NECTIN2: variants seen among roughly 807,000 people sequenced by gnomAD.
NECTIN2 encodes the protein nectin cell adhesion molecule 2, also known as nectin-2.
NECTIN2 carries 23 observed loss-of-function variants against 56.9 expected under a neutral mutation model. That is an observed-to-expected ratio of 0.40 (90% CI 0.29 to 0.57). The LOEUF (loss-of-function observed/expected upper bound fraction) is 0.57, where lower values mean the gene tolerates loss of function less well. NECTIN2 is among the 20% of genes least tolerant of loss of function. The pLI is 0.38. For missense variants in NECTIN2, 587 were observed against 718.3 expected (o/e 0.82, Z 2.09); for synonymous variants, 302 against 313.8 (o/e 0.96, Z 0.40).
At chr19:44,881,589 A>G (rs562594438) in intron 5 of NECTIN2, among the ~76,000 whole-genome samples, 1 of 151,030 alleles carries the variant, frequency 6.6e-6, no homozygotes, top group African/African-American at 2.4e-5. Flanking sequence ...CCGGAGGGTG[A>G]GGTGGGAGGA....
intron 2 of NECTIN2, among the ~76,000 whole-genome samples, chr19:44,868,425 A>G (rs1969128565): frequency 7.1e-6 from 1 of 140,698 alleles, no homozygotes. Context: ...GAAGGCAGGG[A>G]AGATTTTTTT....
At chr19:44,884,982 T>C (rs1345605139) in intron 6 of NECTIN2, among the ~76,000 whole-genome samples, 1 of 151,928 alleles carries the variant, frequency 6.6e-6, no homozygotes, top group Admixed American at 6.6e-5. Flanking sequence ...TTCTTTTTTT[T>C]CTTTTCTTTT....
chr19:44,869,579 C>A (rs868510849), intron 2 of NECTIN2, among the ~76,000 whole-genome samples: 1 of 121,038 alleles, frequency 8.3e-6, no homozygotes, highest in Non-Finnish European at 1.6e-5. Flanking sequence ...GGCGACAGAG[C>A]GAGACTCCAT....
intron 1 of NECTIN2, among the ~76,000 whole-genome samples, chr19:44,859,144 A>G (rs1213529542): frequency 1.3e-5 from 2 of 152,076 alleles, no homozygotes; most frequent in Non-Finnish European, 2.9e-5. Context: ...GCCCATCTCC[A>G]TCAGACAGAG....
At chr19:44,856,883 C>T (rs1968971565) in intron 1 of NECTIN2, among the ~76,000 whole-genome samples, 1 of 152,200 alleles carries the variant, frequency 6.6e-6, no homozygotes, top group Non-Finnish European at 1.5e-5. Context: ...ACTCTGTGGG[C>T]CAAAGCAAAC....
chr19:44,886,615 G>A (rs560039936), intron 8 of NECTIN2, among the ~76,000 whole-genome samples: 14 of 152,154 alleles, frequency 9.2e-5, no homozygotes, highest in East Asian at 5.8e-4. Context: ...TTAGCTACCC[G>A]GGGCGCTGAG....
chr19:44,885,157 C>T (rs899866063), intron 6 of NECTIN2, among the ~76,000 whole-genome samples: 67 of 151,630 alleles, frequency 4.4e-4, no homozygotes, highest in African/African-American at 1.6e-3. Context: ...CCACCACGCC[C>T]GGCTAATTTT....
chr19:44,847,787 TG>T (rs1968853786), intron 1 of NECTIN2, among the ~76,000 whole-genome samples: 1 of 152,136 alleles, frequency 6.6e-6, no homozygotes, highest in South Asian at 2.1e-4. Flanking sequence ...ATCTATCCTC[TG>T]GTAGCGCCTT....
chr19:44,861,533 G>A (rs1218137643), intron 1 of NECTIN2, among the ~76,000 whole-genome samples: 9 of 152,174 alleles, frequency 5.9e-5, no homozygotes, highest in African/African-American at 9.7e-5. Context: ...AAAAGCTTCT[G>A]CACAGCAAAA....
intron 1 of NECTIN2, among the ~76,000 whole-genome samples, chr19:44,858,734 C>T (rs927624278): frequency 6.6e-6 from 1 of 152,084 alleles, no homozygotes; most frequent in Admixed American, 6.6e-5. Context: ...CCTCCACCTC[C>T]CGGGTTCAAG....
chr19:44,859,008 C>A (rs1447484000), intron 1 of NECTIN2, among the ~76,000 whole-genome samples: 1 of 152,190 alleles, frequency 6.6e-6, no homozygotes, highest in African/African-American at 2.4e-5. Flanking sequence ...ACCCAAAGAT[C>A]CTCGGCCTGT....
intron 5 of NECTIN2, among the ~76,000 whole-genome samples, chr19:44,881,222 G>A (rs750142975): frequency 3.9e-5 from 6 of 152,018 alleles, no homozygotes; most frequent in Non-Finnish European, 8.8e-5. Flanking sequence ...CCCCCTTCCT[G>A]ATAAGTGGAA....
intron 2 of NECTIN2, among the ~76,000 whole-genome samples, chr19:44,869,605 AAAAAG>A (rs76923055): frequency 3.5e-5 from 5 of 144,398 alleles, no homozygotes; most frequent in Admixed American, 6.8e-5. Context: ...AAAAAAAAAA[AAAAAG>A]AAAAGAAAAT....
intron 1 of NECTIN2, among the ~76,000 whole-genome samples, chr19:44,863,325 G>A (rs925273699): frequency 2.0e-5 from 3 of 151,756 alleles, no homozygotes; most frequent in Non-Finnish European, 2.9e-5. Flanking sequence ...AAAATTAGCC[G>A]GGCACTGGTG....
chr19:44,880,457 C>G (rs1969295547), intron 5 of NECTIN2, among the ~76,000 whole-genome samples: 1 of 150,016 alleles, frequency 6.7e-6, no homozygotes, highest in Admixed American at 6.7e-5. Flanking sequence ...CGCTTCTCGA[C>G]CCCTTTTCCT....
At position 44,889,132 on chromosome 19, in the gene NECTIN2, C is replaced by G. The variant is rs1262742109; in HGVS notation, c.*753C>G. 6.6e-6 allele frequency: 1 copy of G among 152,330 alleles called. No individual in the cohort carries two copies. Among genetic ancestry groups the G allele is most frequent in the Admixed American group, 6.5e-5 (1 of 15,290 alleles). 9.4% of individuals were successfully genotyped at this position (152,330 alleles called of 1,614,324 possible). The stretch of plus-strand genomic sequence containing the variant: ...AGTGGAATAGGACCTAAACATCCCC[C>G]TTCCGGGGAAAGTGGGTCATCTGAA... On this transcript the variant is annotated 3_prime_UTR_variant, in exon 9 of 9. Transcript: ENST00000252483.
Position 44,865,249 on chromosome 19 carries a change from A to C in NECTIN2, c.89-22A>C. The C allele has an allele frequency of 6.3e-7, 1 of 1,584,448 alleles. No homozygotes were observed. Among genetic ancestry groups the C allele is most frequent in the Non-Finnish European group, 8.6e-7 (1 of 1,161,960 alleles). ...GGTCCCTCCCCCACCCGACTACTTC[A>C]CTCTCTGTCCTCTCTGCCCAGGAGC... On this transcript the variant is annotated intron_variant, in intron 1 of 8. Transcript: ENST00000252483. This position sits in a 1 kb window ranked among gnomAD's most constrained non-coding sequence, Gnocchi z 5.2.
In NECTIN2 at chr19:44,888,445, G is replaced by A; in HGVS notation, c.*66G>A. 6.5e-7 allele frequency: 1 copy of A among 1,534,214 alleles called. No homozygotes were observed. Among genetic ancestry groups the A allele is most frequent in the Non-Finnish European group, 8.9e-7 (1 of 1,128,088 alleles). ...CCTTAGCTTTCTTGCCAAGGATCTA[G>A]TGCCCCCTGACCTCTGGCCAGGCCA... On this transcript the variant is annotated 3_prime_UTR_variant, in exon 9 of 9. Coordinates refer to ENST00000252483, the MANE Select transcript of NECTIN2 (RefSeq NM_001042724.2).
intron 1 of NECTIN2, among the ~76,000 whole-genome samples, chr19:44,857,641 A>T (rs1968981037): frequency 1.3e-5 from 2 of 151,192 alleles, no homozygotes; most frequent in Non-Finnish European, 2.9e-5. Flanking sequence ...ACCTCAGGTG[A>T]TCCACCTGCT....
Sources: allele counts gnomAD v4.1 joint callset (sites outside exome capture counted in the v4.1 genomes callset), GRCh38; gene constraint gnomAD v4.1.1; non-coding constraint Gnocchi (gnomAD v3.1); transcripts MANE v1.5; gene names NCBI Gene and HGNC (gene_info 2026-07-23, HGNC 2026-07-21).